YWHAE: variants seen among roughly 807,000 people sequenced by gnomAD.
YWHAE encodes the protein tyrosine 3-monooxygenase/tryptophan 5-monooxygenase activation protein epsilon, also known as 14-3-3 protein epsilon.
In YWHAE, 4 loss-of-function variants were observed where a neutral mutation model predicts 30.1. That is an observed-to-expected ratio of 0.13 (90% CI 0.07 to 0.30). The LOEUF (loss-of-function observed/expected upper bound fraction) is 0.30. YWHAE is among the 10% of genes least tolerant of loss of function. YWHAE has a pLI of 1.00. For synonymous variants in YWHAE, 118 were observed against 111.8 expected, an observed-to-expected ratio of 1.06 and a Z score of -0.35; for missense variants, 121 against 315.9, an observed-to-expected ratio of 0.38 and a Z score of 4.68.
intron 2 of YWHAE, among the ~76,000 whole-genome samples, chr17:1,363,211 T>G (rs757509180): frequency 1.3e-5 from 2 of 152,176 alleles, no homozygotes; most frequent in South Asian, 4.1e-4. Context: ...GTTCCTCTTC[T>G]CTTATTATTT....
chr17:1,355,671 A>T (rs951867756), intron 4 of YWHAE, among the ~76,000 whole-genome samples: 10 of 152,158 alleles, frequency 6.6e-5, no homozygotes, highest in Admixed American at 1.3e-4. Flanking sequence ...ATAGAAAAAA[A>T]AGAGACATAA....
chr17:1,356,341 C>G (rs368643886), intron 4 of YWHAE, among the ~76,000 whole-genome samples: 2 of 152,072 alleles, frequency 1.3e-5, no homozygotes, highest in African/African-American at 4.8e-5. Flanking sequence ...TGCACTCCAG[C>G]CTGGGCAAGA....
At chr17:1,381,845 C>G (rs1402822708) in intron 1 of YWHAE, among the ~76,000 whole-genome samples, 1 of 135,188 alleles carries the variant, frequency 7.4e-6, no homozygotes, top group Admixed American at 8.6e-5. Flanking sequence ...CGTGAGAGGT[C>G]AAGGCTGCAG....
At position 1,400,123 on chromosome 17, in the gene YWHAE, T is replaced by A. The variant is rs201714861; in HGVS notation, c.-13A>T. On this transcript the variant is annotated 5_prime_UTR_variant, in exon 1 of 6. Transcript: ENST00000264335. ...CTCGATCATCCATAGCGGCAGCGGC[T>A]CCGGCAGGGTCTGCGCGACGGATGG... 76 of 1,613,920 alleles carry A rather than the reference T, an allele frequency of 4.7e-5. No homozygotes were observed. The highest frequency in any genetic ancestry group is 1.8e-4 in the Admixed American group (11 of 60,010).
chr17:1,357,859 A>G (rs557924880), intron 4 of YWHAE, among the ~76,000 whole-genome samples: 6 of 151,430 alleles, frequency 4.0e-5, no homozygotes, highest in East Asian at 3.9e-4. Context: ...ACCGGGAGGC[A>G]GAGGTTGCAG....
At chr17:1,357,301 G>C (rs1294288275) in intron 4 of YWHAE, among the ~76,000 whole-genome samples, 1 of 151,624 alleles carries the variant, frequency 6.6e-6, no homozygotes, top group Non-Finnish European at 1.5e-5. Flanking sequence ...TACTCGGGAG[G>C]CTGAGGCAGG....
intron 1 of YWHAE, among the ~76,000 whole-genome samples, chr17:1,391,782 C>A (rs1451348530): frequency 1.3e-5 from 2 of 151,958 alleles, no homozygotes; most frequent in African/African-American, 4.8e-5. Context: ...GTTACCTGGA[C>A]AACACAGTGG....
intron 1 of YWHAE, among the ~76,000 whole-genome samples, chr17:1,390,190 G>A (rs2073368746): frequency 6.6e-6 from 1 of 152,120 alleles, no homozygotes; most frequent in Non-Finnish European, 1.5e-5. Flanking sequence ...CAGACAAAAG[G>A]TGTTACGTTT....
At chr17:1,370,401 G>C (rs993275397) in intron 1 of YWHAE, among the ~76,000 whole-genome samples, 1 of 151,740 alleles carries the variant, frequency 6.6e-6, no homozygotes, top group Non-Finnish European at 1.5e-5. Flanking sequence ...AAAGTGCTGG[G>C]ATTACAGGCG....
intron 5 of YWHAE, among the ~76,000 whole-genome samples, 198 bp from the exon 6 acceptor site, chr17:1,345,697 T>A (rs1047358267): frequency 6.6e-6 from 1 of 152,124 alleles, no homozygotes; most frequent in South Asian, 2.1e-4. Flanking sequence ...AAAGTATTTA[T>A]TGGTCAACAG....
chr17:1,377,072 C>A (rs946539998), intron 1 of YWHAE, among the ~76,000 whole-genome samples: 1 of 152,000 alleles, frequency 6.6e-6, no homozygotes, highest in African/African-American at 2.4e-5. Context: ...CGCCAACGTG[C>A]ACGGCTAATT....
At chr17:1,372,597 A>G (rs2073058882) in intron 1 of YWHAE, among the ~76,000 whole-genome samples, 1 of 152,206 alleles carries the variant, frequency 6.6e-6, no homozygotes, top group African/African-American at 2.4e-5. Flanking sequence ...AGGGTTGTTA[A>G]TCGGCCTAAT....
chr17:1,395,037 T>C (rs189138841), intron 1 of YWHAE, among the ~76,000 whole-genome samples: 1 of 152,192 alleles, frequency 6.6e-6, no homozygotes, highest in East Asian at 1.9e-4. Flanking sequence ...CACAGTGTTC[T>C]TGAAATATAA....
In YWHAE at chr17:1,345,146, T is replaced by C. The variant is rs538978194; in HGVS notation, c.*301A>G. On this transcript the variant is annotated 3_prime_UTR_variant, in exon 6 of 6. Coordinates refer to ENST00000264335, the MANE Select transcript of YWHAE (RefSeq NM_006761.5). ...TAATTTCCATTTGCTAATGGTGATCTTGCCACATCTGGCACGGAGACGACA... is the reference window on the plus strand; with the variant it reads ...TAATTTCCATTTGCTAATGGTGATCCTGCCACATCTGGCACGGAGACGACA... 2.4e-5 allele frequency: 10 copies of C among 424,698 alleles called. No individual in the cohort carries two copies. Among genetic ancestry groups the C allele is most frequent in the Middle Eastern group, 6.4e-4 (1 of 1,554 alleles). The allele number at this position is 424,698 out of a possible 1,614,324, so 26.3% of individuals were successfully genotyped here. A position where few individuals can be genotyped will look rare whatever the true frequency, so the allele number is the denominator to read the frequency against.
rs529713720 is a variant in YWHAE at position 1,353,732 on chromosome 17, C to A, written c.715+479G>T. 2.7e-4 allele frequency among the ~76,000 whole-genome samples: 40 copies of A among 150,160 alleles called. No homozygotes were observed. In the South Asian group the frequency reaches 7.6e-3, roughly 29 times the overall value. On this transcript the variant is annotated intron_variant, in intron 5 of 5. Coordinates refer to ENST00000264335, the MANE Select transcript of YWHAE (RefSeq NM_006761.5). Reference sequence around the variant, plus strand: ...TAAGCCGAGATTGAGCCACCGCACTCCAGCCTGGGTGTCGCAGCAAGACTC... The same window carrying A: ...TAAGCCGAGATTGAGCCACCGCACTACAGCCTGGGTGTCGCAGCAAGACTC...
chr17:1,373,528 C>G (rs879758780), intron 1 of YWHAE, among the ~76,000 whole-genome samples: 6 of 151,778 alleles, frequency 4.0e-5, no homozygotes, highest in Admixed American at 6.6e-5. Context: ...ATTAGCCAGG[C>G]ATGGTGGCGG....
At chr17:1,374,376 T>C (rs2073093441) in intron 1 of YWHAE, among the ~76,000 whole-genome samples, 1 of 152,106 alleles carries the variant, frequency 6.6e-6, no homozygotes, top group South Asian at 2.1e-4. Context: ...TTTCCATTTT[T>C]GGACTATTAT....
intron 1 of YWHAE, among the ~76,000 whole-genome samples, chr17:1,383,389 CT>C (rs550620060): frequency 0.16 from 22,368 of 137,660 alleles, 1,870 homozygotes; most frequent in Non-Finnish European, 0.21. Context: ...TACTGTTTAA[CT>C]TTTTTTTTTT....
intron 4 of YWHAE, among the ~76,000 whole-genome samples, chr17:1,357,566 T>C (rs576121099): frequency 6.8e-6 from 1 of 147,644 alleles, no homozygotes; most frequent in Non-Finnish European, 1.5e-5. Flanking sequence ...AGCAGCAGAG[T>C]GAGACTCCGT....
Sources: gnomAD v4.1 joint callset for allele counts (sites outside exome capture counted in the v4.1 genomes callset) on GRCh38, gnomAD v4.1.1 for gene constraint, MANE v1.5 for transcripts, NCBI Gene and HGNC (gene_info 2026-07-23, HGNC 2026-07-21) for gene names.